The following SLAIN2 variants were observed in gnomAD, a reference collection of about 807,000 sequenced individuals.
The protein encoded by SLAIN2 is SLAIN family member 2.
SLAIN2 carries 31 observed loss-of-function variants against 56.6 expected under a neutral mutation model. That is an observed-to-expected ratio of 0.55 (90% CI 0.41 to 0.74). SLAIN2 has a LOEUF of 0.74. SLAIN2 is among the 30% of genes least tolerant of loss of function. The pLI is 0.00. For synonymous variants in SLAIN2, 317 were observed against 284.9 expected, an observed-to-expected ratio of 1.11 and a Z score of -1.13; for missense variants, 777 against 754.2, an observed-to-expected ratio of 1.03 and a Z score of -0.35.
chr4:48,392,427 A>C (rs1716258825), intron 6 of SLAIN2, among the ~76,000 whole-genome samples: 1 of 152,162 alleles, frequency 6.6e-6, no homozygotes, highest in Non-Finnish European at 1.5e-5. Context: ...TTCATTATAG[A>C]CGTTATTTAA....
chr4:48,403,667 C>A (rs930786144), intron 6 of SLAIN2, among the ~76,000 whole-genome samples: 3 of 152,196 alleles, frequency 2.0e-5, no homozygotes, highest in African/African-American at 2.4e-5. Flanking sequence ...GAATTCCAAG[C>A]CAGTAGGTCT....
chr4:48,409,927 G>A (rs1248608944), intron 6 of SLAIN2, among the ~76,000 whole-genome samples: 1 of 152,120 alleles, frequency 6.6e-6, no homozygotes, highest in African/African-American at 2.4e-5. Context: ...ATGTACAAGT[G>A]TTTACATGGA....
In SLAIN2 at chr4:48,373,773, GCTTACACCTGTAATCCCAGCA is replaced by G. The variant is rs547700581; in HGVS notation, c.538+3780_538+3800del. On this transcript the variant is annotated intron_variant, in intron 2 of 7. Transcript: ENST00000264313. ...GAAAGAGATGTGGCCGGGCGCAGTG[GCTTACACCTGTAATCCCAGCA>G]CTTTGGGAGGCCAAGGTGGGCGGAT... Among the ~76,000 whole-genome samples, 259 of 152,308 alleles carry G rather than the reference GCTTACACCTGTAATCCCAGCA, an allele frequency of 1.7e-3. 1 individual carries two copies. The highest frequency in any genetic ancestry group is 6.0e-3 in the African/African-American group (249 of 41,572).
At chr4:48,414,648 G>T (rs1223258805) in intron 6 of SLAIN2, among the ~76,000 whole-genome samples, 1 of 127,734 alleles carries the variant, frequency 7.8e-6, no homozygotes. Context: ...ATGCTGGTGC[G>T]CTGCACCCAC....
At chr4:48,353,903 A>T (rs917186904) in intron 1 of SLAIN2, among the ~76,000 whole-genome samples, 22 of 152,220 alleles carry the variant, frequency 1.4e-4, no homozygotes, top group African/African-American at 4.8e-4. Flanking sequence ...GTGAATCAAT[A>T]GGATATGTTA....
intron 1 of SLAIN2, among the ~76,000 whole-genome samples, chr4:48,342,794 A>AGAATTGAG (rs1714761719): frequency 6.7e-6 from 1 of 149,902 alleles, no homozygotes; most frequent in African/African-American, 2.5e-5. Context: ...TTCTAAAACA[A>AGAATTGAG]GAATTGAGTC....
chr4:48,412,240 A>G (rs1200646852), intron 6 of SLAIN2, among the ~76,000 whole-genome samples: 2 of 152,180 alleles, frequency 1.3e-5, no homozygotes. Flanking sequence ...TCTTGATATC[A>G]TGTATTTTGA....
intron 6 of SLAIN2, among the ~76,000 whole-genome samples, chr4:48,406,207 G>C (rs1166638818): frequency 6.6e-6 from 1 of 152,164 alleles, no homozygotes; most frequent in Non-Finnish European, 1.5e-5. Flanking sequence ...ACCAAAATCT[G>C]TGTGTTTAGC....
chr4:48,410,001 A>G (rs1340704560), intron 6 of SLAIN2, among the ~76,000 whole-genome samples: 12 of 152,194 alleles, frequency 7.9e-5, no homozygotes, highest in Non-Finnish European at 1.5e-5. Flanking sequence ...TGGTAGCTTT[A>G]TGTTTAACAT....
intron 6 of SLAIN2, 32 bp downstream of exon 6, chr4:48,383,816 G>A (rs1378189678): frequency 4.4e-6 from 7 of 1,577,666 alleles, no homozygotes; most frequent in Non-Finnish European, 5.2e-6. Context: ...TCATGTATCA[G>A]TTATTTAAAG....
chr4:48,418,165 CTTCT>C (rs1031128641), intron 6 of SLAIN2, among the ~76,000 whole-genome samples: 6 of 150,190 alleles, frequency 4.0e-5, no homozygotes, highest in African/African-American at 1.2e-4. Flanking sequence ...TCTCCCTCTT[CTTCT>C]TTTTTTTTTT....
At chr4:48,346,079 A>G (rs1315694632) in intron 1 of SLAIN2, among the ~76,000 whole-genome samples, 3 of 152,176 alleles carry the variant, frequency 2.0e-5, no homozygotes, top group Non-Finnish European at 2.9e-5. Context: ...ACTATCACCA[A>G]CCTATTAAAA....
chr4:48,380,907 A>G (rs1419371324), intron 4 of SLAIN2, among the ~76,000 whole-genome samples: 1 of 152,180 alleles, frequency 6.6e-6, no homozygotes, highest in African/African-American at 2.4e-5. Flanking sequence ...AGTGTTTCTT[A>G]TTCTGCTGAT....
intron 1 of SLAIN2, among the ~76,000 whole-genome samples, chr4:48,344,404 G>C (rs1714807329): frequency 6.6e-6 from 1 of 152,102 alleles, no homozygotes; most frequent in African/African-American, 2.4e-5. Flanking sequence ...TCATCTAGAG[G>C]AATGTTTCCT....
At chr4:48,393,437 C>T (rs1407636084) in intron 6 of SLAIN2, among the ~76,000 whole-genome samples, 1 of 138,326 alleles carries the variant, frequency 7.2e-6, no homozygotes, top group Non-Finnish European at 1.6e-5. Flanking sequence ...CAGAGTCTCC[C>T]TGTGCTGCCC....
intron 1 of SLAIN2, among the ~76,000 whole-genome samples, chr4:48,366,273 AGT>A (rs1197691030): frequency 1.3e-5 from 2 of 152,168 alleles, no homozygotes; most frequent in African/African-American, 2.4e-5. Context: ...AGTTAAAAAG[AGT>A]GTGTTTTCTG....
chr4:48,386,475 T>G (rs1716103829), intron 6 of SLAIN2, among the ~76,000 whole-genome samples: 2 of 152,218 alleles, frequency 1.3e-5, no homozygotes, highest in South Asian at 4.1e-4. Flanking sequence ...GATATAAAAC[T>G]TATCCAGAAA....
intron 1 of SLAIN2, among the ~76,000 whole-genome samples, chr4:48,365,902 C>G (rs1463514975): frequency 6.6e-6 from 1 of 152,114 alleles, no homozygotes; most frequent in Non-Finnish European, 1.5e-5. Context: ...ATTTTTCAAG[C>G]TTAGATTATT....
intron 2 of SLAIN2, among the ~76,000 whole-genome samples, chr4:48,376,427 C>A (rs1486327893): frequency 6.9e-6 from 1 of 144,974 alleles, no homozygotes; most frequent in African/African-American, 2.6e-5. Context: ...TGCACTCCAG[C>A]CTGGGTGACA....
Sources: gnomAD v4.1 joint callset for allele counts (sites outside exome capture counted in the v4.1 genomes callset) on GRCh38, gnomAD v4.1.1 for gene constraint, MANE v1.5 for transcripts, NCBI Gene and HGNC (gene_info 2026-07-23, HGNC 2026-07-21) for gene names.